Variants in SLC24A2 observed in about 807,000 individuals in gnomAD.
SLC24A2 encodes the protein sodium/potassium/calcium exchanger 2.
SLC24A2 carries 36 observed loss-of-function variants against 62.0 expected under a neutral mutation model. The ratio of observed to expected loss-of-function variants is 0.58; its 90% CI spans 0.44 to 0.77. SLC24A2 has a LOEUF of 0.77. Among genes scored for constraint, SLC24A2 ranks in the 30% least tolerant of loss-of-function variants. The pLI, the probability that SLC24A2 is intolerant of heterozygous loss-of-function variation, is 0.00. For missense variants in SLC24A2, 846 were observed against 817.9 expected (o/e 1.03, Z -0.42); for synonymous variants, 358 against 294.0 (o/e 1.22, Z -2.23).
the SLC24A2 span, among the ~76,000 whole-genome samples, chr9:20,100,195 T>TG: frequency 3.4e-4 from 52 of 151,248 alleles, 1 homozygote; most frequent in African/African-American, 9.5e-4. Flanking sequence ...TGTGTGTGTG[T>TG]TTTTGTTTGT....
chr9:20,292,392 G>A, the SLC24A2 span, among the ~76,000 whole-genome samples: 1 of 152,200 alleles, frequency 6.6e-6, no homozygotes, highest in Non-Finnish European at 1.5e-5. Context: ...AAGGTGAAGA[G>A]AAGAGTAGGG....
the SLC24A2 span, among the ~76,000 whole-genome samples, chr9:19,897,186 G>C: frequency 1.7e-3 from 257 of 152,280 alleles, no homozygotes; most frequent in Middle Eastern, 0.017. Context: ...GTGCCTTTCC[G>C]TGTGAGTACA....
At chr9:19,878,106 A>T in the SLC24A2 span, among the ~76,000 whole-genome samples, 1 of 152,160 alleles carries the variant, frequency 6.6e-6, no homozygotes, top group African/African-American at 2.4e-5. Context: ...CAGTCAAGGG[A>T]CAACAACACC....
chr9:19,734,919 C>T (rs1587241250), intron 2 of SLC24A2, among the ~76,000 whole-genome samples: 2 of 151,850 alleles, frequency 1.3e-5, no homozygotes, highest in Admixed American at 1.3e-4. Flanking sequence ...AGAAGAAAAC[C>T]TAGGCAATAC....
At chr9:19,884,965 CA>C in the SLC24A2 span, among the ~76,000 whole-genome samples, 39 of 152,244 alleles carry the variant, frequency 2.6e-4, no homozygotes, top group South Asian at 6.2e-4. Flanking sequence ...AGTTGAGGAG[CA>C]TCTGTATTCT....
the SLC24A2 span, among the ~76,000 whole-genome samples, chr9:20,206,285 A>C: frequency 6.6e-6 from 1 of 152,226 alleles, no homozygotes; most frequent in Non-Finnish European, 1.5e-5. Context: ...TTCTACATGT[A>C]GTTAAATCAA....
the SLC24A2 span, among the ~76,000 whole-genome samples, chr9:19,963,930 A>T: frequency 1.4e-4 from 21 of 152,184 alleles, no homozygotes; most frequent in East Asian, 1.4e-3. Flanking sequence ...GTATGTTTAT[A>T]GCGGCACTAT....
chr9:20,293,151 T>C, the SLC24A2 span, among the ~76,000 whole-genome samples: 2 of 152,358 alleles, frequency 1.3e-5, no homozygotes, highest in East Asian at 3.9e-4. Context: ...GTCCTACTCT[T>C]GTATAAACTC....
chr9:19,509,195 T>G lies in SLC24A2; in HGVS notation c.*6958A>C, dbSNP rs1360212648. ...ACAAAATGGATTCCTGAAAAAAATCTACAATTTTAAAATAATTTCCATGTA... is the reference window on the plus strand; with the variant it reads ...ACAAAATGGATTCCTGAAAAAAATCGACAATTTTAAAATAATTTCCATGTA... On this transcript the variant is annotated 3_prime_UTR_variant, in exon 11 of 11. Transcript: ENST00000341998. 1 of 152,196 alleles carries G rather than the reference T, an allele frequency of 6.6e-6. No individual in the cohort carries two copies. The highest frequency in any genetic ancestry group is 2.4e-5 in the African/African-American group (1 of 41,452). 9.4% of individuals were successfully genotyped at this position (152,196 alleles called of 1,614,324 possible).
chr9:20,240,411 C>T, the SLC24A2 span, among the ~76,000 whole-genome samples: 1 of 152,030 alleles, frequency 6.6e-6, no homozygotes, highest in Admixed American at 6.5e-5. Flanking sequence ...GAACTTGGAA[C>T]CTCATGAAAG....
intron 2 of SLC24A2, among the ~76,000 whole-genome samples, chr9:19,661,926 C>T (rs906362530): frequency 2.6e-5 from 4 of 152,170 alleles, no homozygotes; most frequent in Non-Finnish European, 4.4e-5. Context: ...ATCCAGACCA[C>T]CTAAATAGAC....
chr9:19,937,980 A>G, the SLC24A2 span, among the ~76,000 whole-genome samples: 1 of 152,222 alleles, frequency 6.6e-6, no homozygotes, highest in Non-Finnish European at 1.5e-5. Flanking sequence ...TGAAAAGAAG[A>G]AAACAGAACA....
At chr9:20,079,142 G>A in the SLC24A2 span, among the ~76,000 whole-genome samples, 7 of 147,710 alleles carry the variant, frequency 4.7e-5, no homozygotes, top group African/African-American at 1.7e-4. Context: ...GGAAAACACA[G>A]ACACAGCAGC....
intron 2 of SLC24A2, among the ~76,000 whole-genome samples, chr9:19,660,709 T>G (rs1819070993): frequency 6.6e-6 from 1 of 152,204 alleles, no homozygotes; most frequent in East Asian, 1.9e-4. Context: ...GCTTCCTGAT[T>G]CGGAGACTCC....
intron 2 of SLC24A2, among the ~76,000 whole-genome samples, chr9:19,737,206 A>G (rs1564072345): frequency 6.6e-6 from 1 of 152,218 alleles, no homozygotes; most frequent in Admixed American, 6.5e-5. Flanking sequence ...CACATTCTAC[A>G]TATCTGAATG....
intron 8 of SLC24A2, among the ~76,000 whole-genome samples, chr9:19,531,748 T>C (rs533318162): frequency 4.5e-5 from 6 of 133,196 alleles, no homozygotes; most frequent in Non-Finnish European, 9.2e-5. Context: ...TCTGGATTAA[T>C]ATGACTGGTA....
chr9:20,300,094 T>C, the SLC24A2 span, among the ~76,000 whole-genome samples: 19 of 152,254 alleles, frequency 1.2e-4, no homozygotes, highest in African/African-American at 4.3e-4. Flanking sequence ...CAGATGATGG[T>C]TGGATAGATG....
rs548692493 is a variant in SLC24A2 at position 19,514,499 on chromosome 9, C to G, written c.*1654G>C. 2.6e-4 allele frequency: 39 copies of G among 152,266 alleles called. No individual in the cohort carries two copies. Among genetic ancestry groups the G allele is most frequent in the African/African-American group, 9.4e-4 (39 of 41,570 alleles). The allele number at this position is 152,266 out of a possible 1,614,324, so 9.4% of individuals were successfully genotyped here. On this transcript the variant is annotated 3_prime_UTR_variant, in exon 11 of 11. Coordinates refer to ENST00000341998, the MANE Select transcript of SLC24A2 (RefSeq NM_020344.4). ...TGCTCTACATAGTTTTCCATTGATT[C>G]AGTTTGCCTATTTTTTCCCCCTTGC...
At chr9:20,218,724 T>C in the SLC24A2 span, among the ~76,000 whole-genome samples, 2 of 152,184 alleles carry the variant, frequency 1.3e-5, no homozygotes, top group Non-Finnish European at 2.9e-5. Context: ...AATGCCTAGT[T>C]ATGTTAGTTT....
Sources: gnomAD v4.1 joint callset for allele counts (sites outside exome capture counted in the v4.1 genomes callset) on GRCh38, gnomAD v4.1.1 for gene constraint, MANE v1.5 for transcripts, NCBI Gene and HGNC (gene_info 2026-07-23, HGNC 2026-07-21) for gene names.